DCAF1: variants seen among roughly 807,000 people sequenced by gnomAD.
DCAF1 encodes the protein DDB1 and CUL4 associated factor 1.
A neutral mutation model predicts 128.0 loss-of-function variants in DCAF1; 15 were observed. The ratio of observed to expected loss-of-function variants is 0.12; its 90% CI spans 0.08 to 0.18. DCAF1 has a LOEUF of 0.18. Among genes scored for constraint, DCAF1 ranks in the 10% least tolerant of loss-of-function variants. The probability of loss-of-function intolerance (pLI) is 1.00; values close to 1 mark genes in which losing one functional copy is unlikely to be tolerated. For synonymous variants in DCAF1, 610 were observed against 603.0 expected, an observed-to-expected ratio of 1.01 and a Z score of -0.17; for missense variants, 988 against 1,649.5, an observed-to-expected ratio of 0.60 and a Z score of 6.95.
At chr3:51,475,427 TC>T (rs1261080069) in intron 3 of DCAF1, among the ~76,000 whole-genome samples, 1 of 150,788 alleles carries the variant, frequency 6.6e-6, no homozygotes, top group Admixed American at 6.6e-5. Flanking sequence ...TATAGTGAAA[TC>T]CCCCCCATCT....
At chr3:51,502,350 T>G (rs782060900), upstream of DCAF1, among the ~76,000 whole-genome samples, 2 of 152,106 alleles carry the variant, frequency 1.3e-5, no homozygotes, top group Non-Finnish European at 1.5e-5. Context: ...CTGGGCAACA[T>G]AGAGAGACAC....
At chr3:51,491,802 G>C (rs1320590269) in intron 2 of DCAF1, among the ~76,000 whole-genome samples, 1 of 151,830 alleles carries the variant, frequency 6.6e-6, no homozygotes, top group Non-Finnish European at 1.5e-5. Flanking sequence ...CTGAGACAGC[G>C]CCACTGCCCT....
Position 51,398,807 on chromosome 3 carries a change from C to A in DCAF1, c.4486G>T (p.Asp1496Tyr). The change falls in exon 25 of 25, where the codon GAT (aspartate) becomes TAT (tyrosine). Residue 1496 changes from aspartate to tyrosine, a missense_variant. By Grantham distance (160) the Asp-to-Tyr change is radical. Transcript: ENST00000684031. ...GATAAGATGATGTCATCTTCCAAAT[C>A]AGAGTTGTCAGAGCTGTCAGCTGAA... is the stretch of plus-strand genomic sequence containing the variant. Reference protein sequence around the residue: ...LGDTDSSDNSDLEDDIILSLN... With the variant: ...LGDTDSSDNSYLEDDIILSLN... 6.3e-7 allele frequency: 1 copy of A among 1,588,000 alleles called. No individual in the cohort carries two copies. Among genetic ancestry groups the A allele is most frequent in the Non-Finnish European group, 8.6e-7 (1 of 1,166,352 alleles).
rs782020144 is a variant in DCAF1, at chr3:51,414,004, C to T, written c.3877G>A (p.Ala1293Thr). 1.4e-5 allele frequency: 23 copies of T among 1,603,744 alleles called. No individual in the cohort carries two copies. The highest frequency in any genetic ancestry group is 4.5e-5 in the South Asian group (4 of 88,124). ...AACACCACGCGACACTGATCCAGAG[C>T]GGGAACAGTATGCAAAAGATGAAAA... Reference protein sequence around the residue: ...RTFHLLHTVPALDQCRVVFNH... With the variant: ...RTFHLLHTVPTLDQCRVVFNH... Residue 1293 changes from alanine (A) to threonine (T), a missense_variant, in exon 20 of 25, where the codon GCT (alanine) becomes ACT (threonine). Ala to Thr is a moderately conservative substitution (Grantham distance 58, BLOSUM62 0). This residue lies in a region of DCAF1 where 85 missense variants were observed against 204.6 expected (regional missense o/e 0.42). Transcript: ENST00000684031.
At chr3:51,467,101 A>G (rs1356337368) in intron 4 of DCAF1, among the ~76,000 whole-genome samples, 17 of 152,212 alleles carry the variant, frequency 1.1e-4, no homozygotes, top group African/African-American at 4.1e-4. Flanking sequence ...TGGGAGGCTG[A>G]GGCGGGCAGA....
At chr3:51,502,670 G>A (rs1553664578), upstream of DCAF1, among the ~76,000 whole-genome samples, 2 of 152,010 alleles carry the variant, frequency 1.3e-5, no homozygotes, top group Non-Finnish European at 2.9e-5. Flanking sequence ...GGGCCTAGGA[G>A]GCAGGGGAAG....
chr3:51,426,563 G>C (rs1327663176), intron 13 of DCAF1, among the ~76,000 whole-genome samples: 1 of 152,024 alleles, frequency 6.6e-6, no homozygotes, highest in Non-Finnish European at 1.5e-5. Context: ...TTCTAATACT[G>C]ATAGATATAA....
At chr3:51,442,188 A>G (rs1049341022) in intron 7 of DCAF1, among the ~76,000 whole-genome samples, 1 of 152,114 alleles carries the variant, frequency 6.6e-6, no homozygotes, top group African/African-American at 2.4e-5. Context: ...GGACCATCAC[A>G]CCTGAAGAGG....
intron 23 of DCAF1, among the ~76,000 whole-genome samples, chr3:51,409,516 G>A (rs1019155625): frequency 3.5e-4 from 53 of 152,194 alleles, no homozygotes; most frequent in Non-Finnish European, 6.6e-4. Flanking sequence ...CTGGGATAAT[G>A]ATGTTGACAA....
At chr3:51,457,830 G>C (rs1703091400) in intron 6 of DCAF1, among the ~76,000 whole-genome samples, 1 of 152,212 alleles carries the variant, frequency 6.6e-6, no homozygotes, top group East Asian at 1.9e-4. Flanking sequence ...ATAAGTGAAG[G>C]AGAAATAAAA....
At chr3:51,502,436 A>G (rs1026127132), upstream of DCAF1, among the ~76,000 whole-genome samples, 23 of 152,116 alleles carry the variant, frequency 1.5e-4, no homozygotes, top group Non-Finnish European at 2.6e-4. Context: ...GCATGCCTGT[A>G]GTCCCAGCTA....
intron 3 of DCAF1, among the ~76,000 whole-genome samples, chr3:51,473,819 T>TG (rs1479762316): frequency 1.3e-5 from 2 of 151,802 alleles, no homozygotes; most frequent in African/African-American, 4.8e-5. Flanking sequence ...TCTTTTTTTT[T>TG]TTGAGATGGA....
chr3:51,412,291 T>A, intron 23 of DCAF1, 88 bp downstream of exon 23: 6 of 1,574,214 alleles, frequency 3.8e-6, no homozygotes, highest in Non-Finnish European at 5.2e-6. Context: ...AAAGGTTGAG[T>A]AGACCTTTAA....
intron 17 of DCAF1, among the ~76,000 whole-genome samples, chr3:51,417,835 GAC>G (rs1699034764): frequency 6.6e-6 from 1 of 151,648 alleles, no homozygotes; most frequent in African/African-American, 2.4e-5. Flanking sequence ...GAGGAGAGGA[GAC>G]ACAGCAAAGA....
upstream of DCAF1, among the ~76,000 whole-genome samples, chr3:51,502,668 G>A (rs1289121248): frequency 7.2e-5 from 11 of 152,000 alleles, no homozygotes; most frequent in Admixed American, 6.6e-4. Context: ...CAGGGCCTAG[G>A]AGGCAGGGGA....
At chr3:51,470,576 A>G (rs1345920607) in intron 4 of DCAF1, among the ~76,000 whole-genome samples, 1 of 152,136 alleles carries the variant, frequency 6.6e-6, no homozygotes, top group Non-Finnish European at 1.5e-5. Flanking sequence ...CAAAAAAGAA[A>G]AAGTCTGAAA....
Position 51,420,663 on chromosome 3 carries a change from G to A in DCAF1, c.2307C>T (p.Ser769=). The change falls in exon 15 of 25, where the codon AGC becomes AGT. Residue 769 remains serine, a synonymous_variant. Coordinates refer to ENST00000684031, the MANE Select transcript of DCAF1 (RefSeq NM_001387579.1). This position sits in a 1 kb window ranked among gnomAD's most constrained non-coding sequence, Gnocchi z 6.5. ...GTTTACTGATGATCTGCCGGACAGTGCTACTGCGAGACAGGCCCACTAGGG... is the reference window on the plus strand; with the variant it reads ...GTTTACTGATGATCTGCCGGACAGTACTACTGCGAGACAGGCCCACTAGGG... ...CKALVGLSRS[S]TVRQIISKLP... 1 of 1,614,072 alleles carries A rather than the reference G, an allele frequency of 6.2e-7. No individual in the cohort carries two copies. Among genetic ancestry groups the A allele is most frequent in the Non-Finnish European group, 8.5e-7 (1 of 1,179,908 alleles).
intron 6 of DCAF1, among the ~76,000 whole-genome samples, chr3:51,451,545 G>A (rs1702352707): frequency 6.6e-6 from 1 of 152,092 alleles, no homozygotes; most frequent in Admixed American, 6.6e-5. Context: ...TGGATCACCT[G>A]AGGTTAACAG....
intron 18 of DCAF1, among the ~76,000 whole-genome samples, chr3:51,415,795 A>C (rs1488590324): frequency 6.6e-6 from 1 of 151,902 alleles, no homozygotes; most frequent in African/African-American, 2.4e-5. Flanking sequence ...GAGTCTCTCT[A>C]TGTTGCCCAG....
Sources: gnomAD v4.1 joint callset for allele counts (sites outside exome capture counted in the v4.1 genomes callset) on GRCh38, gnomAD v4.1.1 for gene constraint, gnomAD v4.1.1 regional missense constraint, Gnocchi (gnomAD v3.1) non-coding constraint, MANE v1.5 for transcripts, NCBI Gene and HGNC (gene_info 2026-07-23, HGNC 2026-07-21) for gene names.